The following ZNF142 variants were observed in gnomAD, a reference collection of about 807,000 sequenced individuals.
The protein encoded by ZNF142 is zinc finger protein 142, also known as zinc finger protein 142 (clone pHZ-49).
In ZNF142, 96 loss-of-function variants were observed where a neutral mutation model predicts 132.1. The ratio of observed to expected loss-of-function variants is 0.73; its 90% CI spans 0.62 to 0.86. The LOEUF (loss-of-function observed/expected upper bound fraction) is 0.86. Ranked by LOEUF, ZNF142 falls within the 40% of genes least tolerant of loss-of-function variation. The pLI, the probability that ZNF142 is intolerant of heterozygous loss-of-function variation, is 0.00. For synonymous variants in ZNF142, 842 were observed against 890.1 expected, an observed-to-expected ratio of 0.95 and a Z score of 0.96; for missense variants, 2,163 against 2,336.2, an observed-to-expected ratio of 0.93 and a Z score of 1.53.
chr2:218,635,470 C>A lies in ZNF142; in HGVS notation c.*2869G>T, dbSNP rs1441003336. On this transcript the variant is annotated 3_prime_UTR_variant, in exon 11 of 11. Transcript: ENST00000411696. The stretch of plus-strand genomic sequence containing the variant: ...TCTCCCATCTGAGCCTTCCGAGTAG[C>A]TGGGACTACAGGCGCCCGCCACCAT... Among the ~76,000 whole-genome samples the A allele has an allele frequency of 1.3e-5, 2 of 152,110 alleles. No homozygotes were observed. The highest frequency in any genetic ancestry group is 2.4e-5 in the African/African-American group (1 of 41,440).
At position 218,656,439 on chromosome 2, in the gene ZNF142, C is replaced by CA; in HGVS notation, c.-11_-10insT. ...AAAGGGGGTCTGTCATCACCACCGA[C>CA]TTGTGTGTTTTGGCTTCTTAAATGC... On this transcript the variant is annotated 5_prime_UTR_variant, in exon 4 of 11. It adds an upstream start codon to the 5' untranslated region. Transcript: ENST00000411696. 1 of 1,406,982 alleles carries CA rather than the reference C, an allele frequency of 7.1e-7. No individual in the cohort carries two copies. The highest frequency in any genetic ancestry group is 1.9e-5 in the South Asian group (1 of 52,150). 87.2% of individuals were successfully genotyped at this position (1,406,982 alleles called of 1,614,324 possible).
In ZNF142 at chr2:218,634,686, G is replaced by C; in HGVS notation, c.*3653C>G. 1 of 1,582,284 alleles carries C rather than the reference G, an allele frequency of 6.3e-7. No individual in the cohort carries two copies. Among genetic ancestry groups the C allele is most frequent in the South Asian group, 1.1e-5 (1 of 87,808 alleles). ...CTGAGATAACTGGGATAGAAGTGAG[G>C]GAAGAGGTGGCTAGGCCTGACCGGA... On this transcript the variant is annotated 3_prime_UTR_variant, in exon 11 of 11. Coordinates refer to ENST00000411696, the MANE Select transcript of ZNF142 (RefSeq NM_001379659.1). This position sits in a 1 kb window ranked among gnomAD's most constrained non-coding sequence, Gnocchi z 4.0.
Position 218,636,251 on chromosome 2 carries a change from CCATACTGGGGG to C in ZNF142, c.*2077_*2087del. 3 of 1,613,902 alleles carry C rather than the reference CCATACTGGGGG, an allele frequency of 1.9e-6. No individual in the cohort carries two copies. The highest frequency in any genetic ancestry group is 2.5e-6 in the Non-Finnish European group (3 of 1,179,796). On this transcript the variant is annotated 3_prime_UTR_variant, in exon 11 of 11. Transcript: ENST00000411696. Reference sequence around the variant, plus strand: ...TCTGTCCACCAACTCAGGTTTTAATCCATACTGGGGGCAGACACTATGTTTCCGGGTGCTGG... The same window carrying C: ...TCTGTCCACCAACTCAGGTTTTAATCCAGACACTATGTTTCCGGGTGCTGG...
rs1696672811 is a variant in ZNF142 at position 218,635,474 on chromosome 2, G to GACT, written c.*2862_*2864dup. 6.6e-6 allele frequency among the ~76,000 whole-genome samples: 1 copy of GACT among 152,104 alleles called. No homozygotes were observed. The highest frequency in any genetic ancestry group is 1.5e-5 in the Non-Finnish European group (1 of 68,026). ...CCATCTGAGCCTTCCGAGTAGCTGG[G>GACT]ACTACAGGCGCCCGCCACCATGCCT... On this transcript the variant is annotated 3_prime_UTR_variant, in exon 11 of 11. Coordinates refer to ENST00000411696, the MANE Select transcript of ZNF142 (RefSeq NM_001379659.1).
chr2:218,639,766 T>G (rs1575054082), intron 10 of ZNF142, among the ~76,000 whole-genome samples: 4 of 139,104 alleles, frequency 2.9e-5, no homozygotes, highest in Admixed American at 2.2e-4. Flanking sequence ...AAAGAAATAC[T>G]TAGGAGGGGC....
intron 3 of ZNF142, among the ~76,000 whole-genome samples, chr2:218,658,143 A>G (rs1463545941): frequency 6.6e-6 from 1 of 152,250 alleles, no homozygotes; most frequent in African/African-American, 2.4e-5. Flanking sequence ...ACCCTGTTAT[A>G]CATGGCTAAA....
rs1696594126 is a variant in ZNF142 at position 218,634,466 on chromosome 2, A to G, written c.*3873T>C. 6.2e-7 allele frequency: 1 copy of G among 1,612,604 alleles called. No homozygotes were observed. ...TCTCCTGGGGCCCTCAGTGGCCATG[A>G]ATATGCAGACTGCAGGGCTTGAAAT... On this transcript the variant is annotated 3_prime_UTR_variant, in exon 11 of 11. Transcript: ENST00000411696. This position sits in a 1 kb window ranked among gnomAD's most constrained non-coding sequence, Gnocchi z 4.0.
chr2:218,635,813 A>C lies in ZNF142; in HGVS notation c.*2526T>G. 6 of 1,613,146 alleles carry C rather than the reference A, an allele frequency of 3.7e-6. No homozygotes were observed. The highest frequency in any genetic ancestry group is 4.2e-6 in the Non-Finnish European group (5 of 1,179,596). Reference sequence around the variant, plus strand: ...GACTACAGGTGATCAGCGGTCAGCAACTCCCCAAAGTGGACAAGACCAAAG... The same window carrying C: ...GACTACAGGTGATCAGCGGTCAGCACCTCCCCAAAGTGGACAAGACCAAAG... On this transcript the variant is annotated 3_prime_UTR_variant, in exon 11 of 11. Transcript: ENST00000411696.
chr2:218,638,394 A>G lies in ZNF142; in HGVS notation c.5609T>C (p.Leu1870Pro). The G allele has an allele frequency of 6.5e-7, 1 of 1,533,934 alleles. No individual in the cohort carries two copies. Among genetic ancestry groups the G allele is most frequent in the African/African-American group, 1.4e-5 (1 of 72,788 alleles). ...AGGAGCAGGAGGGCTGGGATCCTCC[A>G]GCTGCACATCATGCAGGTGCACTGT... ...TPTVHLHDVQ[L>P]EDPSPPAPAA... Residue 1870 changes from leucine to proline, a missense_variant, in exon 11 of 11, where the codon CTG (leucine) becomes CCG (proline). Around this residue, in one of 7 missense-constraint regions of ZNF142, gnomAD observed 325 missense variants for 367.8 expected, o/e 0.88. Transcript: ENST00000411696.
chr2:218,656,394 AC>A lies in ZNF142; in HGVS notation c.35del (p.Ser12IlefsTer15). 1 of 1,446,668 alleles carries A rather than the reference AC, an allele frequency of 6.9e-7. No individual in the cohort carries two copies. The highest frequency in any genetic ancestry group is 9.2e-7 in the Non-Finnish European group (1 of 1,087,146). 89.6% of individuals were successfully genotyped at this position (1,446,668 alleles called of 1,614,324 possible). On this transcript the variant is annotated frameshift_variant, in exon 4 of 11. Transcript: ENST00000411696. LOFTEE classifies it high-confidence loss of function. ...ACAGTCCATCCATCTCCCCGGTGCT[AC>A]TGGCTGGCTGTGAGTCCAAAAGGGG... ...TDPLLDSQPA[S>X]STGEMDGLCP...
chr2:218,647,078 G>T (rs1429080239), intron 7 of ZNF142, among the ~76,000 whole-genome samples: 2 of 152,066 alleles, frequency 1.3e-5, no homozygotes, highest in Non-Finnish European at 2.9e-5. Context: ...CAGCCAACAT[G>T]AACAAAGTTC....
In ZNF142 at chr2:218,636,884, A is replaced by G. The variant is rs1040524618; in HGVS notation, c.*1455T>C. Reference sequence around the variant, plus strand: ...GGCTCAATCCCATACCGACATCTACAACTAATCTTTCCCATCAACTCTGTG... The same window carrying G: ...GGCTCAATCCCATACCGACATCTACGACTAATCTTTCCCATCAACTCTGTG... On this transcript the variant is annotated 3_prime_UTR_variant, in exon 11 of 11. Coordinates refer to ENST00000411696, the MANE Select transcript of ZNF142 (RefSeq NM_001379659.1). 2.1e-6 allele frequency: 1 copy of G among 485,514 alleles called. No homozygotes were observed. Among genetic ancestry groups the G allele is most frequent in the Non-Finnish European group, 4.0e-6 (1 of 246,986 alleles). 30.1% of individuals were successfully genotyped at this position (485,514 alleles called of 1,614,324 possible).
chr2:218,640,772 G>A lies in ZNF142; in HGVS notation c.5089-3C>T, dbSNP rs752764977. 6.2e-7 allele frequency: 1 copy of A among 1,613,786 alleles called. No individual in the cohort carries two copies. On this transcript the variant is annotated splice_region_variant and splice_polypyrimidine_tract_variant and intron_variant, in intron 9 of 10. Transcript: ENST00000411696. ...TCCTTGTGGATCCGCATGTGGTACT[G>A]GAAGAGGCAAGAGCAAAAAGCAGAA...
At chr2:218,657,582 C>T (rs908445892) in intron 3 of ZNF142, among the ~76,000 whole-genome samples, 1 of 152,162 alleles carries the variant, frequency 6.6e-6, no homozygotes, top group Non-Finnish European at 1.5e-5. Context: ...GCATGTACCA[C>T]CACGCCTGGC....
At chr2:218,657,732 GC>G (rs1337135735) in intron 3 of ZNF142, among the ~76,000 whole-genome samples, 1 of 152,096 alleles carries the variant, frequency 6.6e-6, no homozygotes, top group Admixed American at 6.6e-5. Context: ...GCCGGGCCTG[GC>G]TTCCCGAAAC....
rs1697607071 is a variant in ZNF142 at position 218,644,989 on chromosome 2, G to C, written c.2127C>G (p.Gly709=). ...CACACACCTCACACATCAGAGACTT[G>C]CCCTGATGCCGCAGCTTGTGGCTGC... ...QLSSHKLRHQ[G]KSLMCEVCAF... The change falls in exon 9 of 11, where the codon GGC becomes GGG. Residue 709 remains glycine (G), a synonymous_variant. Transcript: ENST00000411696. This position sits in a 1 kb window ranked among gnomAD's most constrained non-coding sequence, Gnocchi z 4.6. 1 of 1,613,986 alleles carries C rather than the reference G, an allele frequency of 6.2e-7. No homozygotes were observed. The highest frequency in any genetic ancestry group is 8.5e-7 in the Non-Finnish European group (1 of 1,180,000).
Position 218,643,166 on chromosome 2 carries a change from C to T in ZNF142, c.3950G>A (p.Arg1317Gln), listed in dbSNP as rs1475687503. 3 of 1,614,110 alleles carry T rather than the reference C, an allele frequency of 1.9e-6. No homozygotes were observed. The highest frequency in any genetic ancestry group is 1.6e-4 in the Middle Eastern group (1 of 6,084). The change falls in exon 9 of 11, where the codon CGG (arginine) becomes CAG (glutamine). Residue 1317 changes from arginine (R) to glutamine (Q), a missense_variant. Coordinates refer to ENST00000411696, the MANE Select transcript of ZNF142 (RefSeq NM_001379659.1). ...CCGGATCTGGTGAGTCCTCAGAGCCCGTTCCTGCTGGCAGCTAAAGGGACA... is the reference window on the plus strand; with the variant it reads ...CCGGATCTGGTGAGTCCTCAGAGCCTGTTCCTGCTGGCAGCTAAAGGGACA... Reference protein sequence around the residue: ...PTCPFSCQQERALRTHQIRGC... With the variant: ...PTCPFSCQQEQALRTHQIRGC...
intron 10 of ZNF142, among the ~76,000 whole-genome samples, chr2:218,639,262 C>T (rs1010193015): frequency 3.3e-5 from 5 of 152,192 alleles, no homozygotes; most frequent in Admixed American, 6.5e-5. Context: ...TGAGCCACCG[C>T]GCCTGGCCCT....
chr2:218,656,077 C>T lies in ZNF142; in HGVS notation c.280+73G>A, dbSNP rs186842111. On this transcript the variant is annotated intron_variant, in intron 4 of 10. Coordinates refer to ENST00000411696, the MANE Select transcript of ZNF142 (RefSeq NM_001379659.1). ...ACCTTGTGTTCTCATCATATTTATA[C>T]AGAATCAAAAATAACCCAGACAAAA... The T allele has an allele frequency of 8.4e-4, 1,202 of 1,432,994 alleles. 1 individual carries two copies. Among genetic ancestry groups the T allele is most frequent in the Non-Finnish European group, 9.7e-4 (1,054 of 1,081,658 alleles). The allele number at this position is 1,432,994 out of a possible 1,614,324, so 88.8% of individuals were successfully genotyped here.
Sources: allele counts gnomAD v4.1 joint callset (sites outside exome capture counted in the v4.1 genomes callset), GRCh38; gene constraint gnomAD v4.1.1; regional missense constraint gnomAD v4.1.1; non-coding constraint Gnocchi (gnomAD v3.1); transcripts MANE v1.5; gene names NCBI Gene and HGNC (gene_info 2026-07-23, HGNC 2026-07-21).